Variants in PTPN1 observed in about 807,000 individuals in gnomAD.
The protein encoded by PTPN1 is tyrosine-protein phosphatase non-receptor type 1.
Under a neutral mutation model 59.9 loss-of-function variants are expected in PTPN1, and 12 were observed. The observed-to-expected ratio is 0.20, with a 90% CI of 0.13 to 0.32. The LOEUF is 0.32. PTPN1 is among the 10% of genes least tolerant of loss of function. The probability of loss-of-function intolerance (pLI) is 1.00; values close to 1 mark genes in which losing one functional copy is unlikely to be tolerated. For missense variants in PTPN1, 356 were observed against 549.2 expected, an observed-to-expected ratio of 0.65 and a Z score of 3.52; for synonymous variants, 178 against 203.6, an observed-to-expected ratio of 0.87 and a Z score of 1.07.
chr20:50,519,675 CTG>C (rs1334067530), intron 1 of PTPN1, among the ~76,000 whole-genome samples: 11 of 152,302 alleles, frequency 7.2e-5, no homozygotes, highest in South Asian at 4.1e-4. Flanking sequence ...CAGGGCAAAA[CTG>C]TGCTCCCGTA....
intron 1 of PTPN1, among the ~76,000 whole-genome samples, chr20:50,558,658 C>A (rs1187677689): frequency 1.3e-5 from 2 of 152,144 alleles, no homozygotes; most frequent in Admixed American, 6.5e-5. Context: ...TGCTTTTCTT[C>A]TCTATTGGAT....
chr20:50,535,599 G>T (rs1364267142), intron 1 of PTPN1, among the ~76,000 whole-genome samples: 1 of 152,212 alleles, frequency 6.6e-6, no homozygotes, highest in South Asian at 2.1e-4. Flanking sequence ...AAAGCAAGCT[G>T]CTAGAAAGAA....
intron 1 of PTPN1, among the ~76,000 whole-genome samples, chr20:50,537,827 T>C (rs1351907951): frequency 6.6e-6 from 1 of 152,156 alleles, no homozygotes; most frequent in Non-Finnish European, 1.5e-5. Context: ...CAGAGAACCA[T>C]TGAATGCCGT....
chr20:50,534,937 CAGG>C (rs1466649347), intron 1 of PTPN1, among the ~76,000 whole-genome samples: 1 of 99,146 alleles, frequency 1.0e-5, no homozygotes, highest in Non-Finnish European at 2.2e-5. Context: ...CACTGTTGCT[CAGG>C]CTGGCCTTGA....
At chr20:50,530,977 T>A (rs2122736229) in intron 1 of PTPN1, among the ~76,000 whole-genome samples, 1 of 152,282 alleles carries the variant, frequency 6.6e-6, no homozygotes, top group Middle Eastern at 3.4e-3. Flanking sequence ...ATGTTGGGAT[T>A]ACAGGGACAA....
intron 1 of PTPN1, among the ~76,000 whole-genome samples, chr20:50,535,921 A>G (rs2082622427): frequency 6.6e-6 from 1 of 152,194 alleles, no homozygotes; most frequent in Non-Finnish European, 1.5e-5. Flanking sequence ...CTACATTGCC[A>G]GTATCAAACC....
chr20:50,564,868 T>C (rs1011493933), intron 2 of PTPN1, 101 bp from the exon 3 acceptor site: 12 of 1,549,148 alleles, frequency 7.7e-6, no homozygotes, highest in Non-Finnish European at 1.0e-5. Context: ...TGAATGCCAC[T>C]AATGCCACCA....
At chr20:50,510,942 C>G (rs2082504370) in intron 1 of PTPN1, among the ~76,000 whole-genome samples, 1 of 152,038 alleles carries the variant, frequency 6.6e-6, no homozygotes, top group African/African-American at 2.4e-5. Flanking sequence ...GATTTAGCAC[C>G]CCCACTATTT....
intron 4 of PTPN1, chr20:50,572,973 A>G (rs750564939): frequency 2.6e-5 from 4 of 152,246 alleles, no homozygotes; most frequent in Admixed American, 6.5e-5. Context: ...GACTTCAGAC[A>G]GGCTTGTGTC....
chr20:50,538,981 G>GACCTACT lies in PTPN1; in HGVS notation c.64-22380_64-22374dup, dbSNP rs1402681816. 2.7e-5 allele frequency among the ~76,000 whole-genome samples: 4 copies of GACCTACT among 146,502 alleles called. No individual in the cohort carries two copies. In the Admixed American group the frequency reaches 2.7e-4, roughly 10 times the overall value. Reference sequence around the variant, plus strand: ...GTCTCCCTTACATCCTTCTATCTTAGACCTACTAGTAAATATTAATGCTCA... The same window carrying GACCTACT: ...GTCTCCCTTACATCCTTCTATCTTAGACCTACTACCTACTAGTAAATATTAATGCTCA... On this transcript the variant is annotated intron_variant, in intron 1 of 9. Transcript: ENST00000371621.
chr20:50,540,688 G>A (rs2082648196), intron 1 of PTPN1, among the ~76,000 whole-genome samples: 1 of 152,184 alleles, frequency 6.6e-6, no homozygotes, highest in Non-Finnish European at 1.5e-5. Flanking sequence ...GAAATAAGCT[G>A]CTACCGTCCA....
chr20:50,524,410 A>G (rs1228674986), intron 1 of PTPN1, among the ~76,000 whole-genome samples: 1 of 152,032 alleles, frequency 6.6e-6, no homozygotes, highest in Non-Finnish European at 1.5e-5. Context: ...TTTTTAAAAG[A>G]ATCTTCAAGT....
At position 50,540,488 on chromosome 20, in the gene PTPN1, G is replaced by A. The variant is rs546690840; in HGVS notation, c.64-20875G>A. Among the ~76,000 whole-genome samples, 101 of 152,280 alleles carry A rather than the reference G, an allele frequency of 6.6e-4. 2 individuals carry two copies. In the South Asian group the frequency reaches 0.019, roughly 28 times the overall value. On this transcript the variant is annotated intron_variant, in intron 1 of 9. Coordinates refer to ENST00000371621, the MANE Select transcript of PTPN1 (RefSeq NM_002827.4). ...AGTGATAACTCATTACCATGAGGAC[G>A]GCATCAAGCCGTTCATGAAGGATCT...
chr20:50,558,762 C>T (rs1016190884), intron 1 of PTPN1, among the ~76,000 whole-genome samples: 4 of 152,160 alleles, frequency 2.6e-5, no homozygotes, highest in African/African-American at 9.7e-5. Flanking sequence ...CGTGTTCACA[C>T]AGCTATCTCG....
intron 1 of PTPN1, among the ~76,000 whole-genome samples, chr20:50,527,478 G>T (rs912403117): frequency 3.3e-5 from 5 of 152,040 alleles, no homozygotes; most frequent in Non-Finnish European, 7.4e-5. Context: ...TGAGTAGCTG[G>T]GATTACAGGT....
At chr20:50,578,338 G>C in intron 5 of PTPN1, 82 bp from the exon 6 acceptor site, 1 of 1,213,490 alleles carries the variant, frequency 8.2e-7, no homozygotes, top group Non-Finnish European at 1.2e-6. Flanking sequence ...GAGAGTGGAA[G>C]GTGACTCTGT....
At chr20:50,548,906 C>T (rs1053973984) in intron 1 of PTPN1, among the ~76,000 whole-genome samples, 4 of 151,866 alleles carry the variant, frequency 2.6e-5, no homozygotes, top group Non-Finnish European at 4.4e-5. Flanking sequence ...TTAGTACAGG[C>T]GGGGTTTTAC....
intron 1 of PTPN1, among the ~76,000 whole-genome samples, chr20:50,558,814 C>T (rs988974293): frequency 2.0e-5 from 3 of 152,124 alleles, no homozygotes; most frequent in Admixed American, 6.5e-5. Flanking sequence ...CTTCCCGTGT[C>T]TGTCATGTAG....
chr20:50,551,937 G>C (rs1455843947), intron 1 of PTPN1, among the ~76,000 whole-genome samples: 1 of 151,936 alleles, frequency 6.6e-6, no homozygotes, highest in Non-Finnish European at 1.5e-5. Flanking sequence ...TTTTCTCTGT[G>C]GAAATTTTAC....
Sources: allele counts gnomAD v4.1 joint callset (sites outside exome capture counted in the v4.1 genomes callset), GRCh38; gene constraint gnomAD v4.1.1; transcripts MANE v1.5; gene names NCBI Gene and HGNC (gene_info 2026-07-23, HGNC 2026-07-21).